CLCNKA: variants seen among roughly 807,000 people sequenced by gnomAD.
CLCNKA encodes the protein chloride channel protein ClC-Ka.
A neutral mutation model predicts 83.3 loss-of-function variants in CLCNKA; 66 were observed. That is an observed-to-expected ratio of 0.79 (90% confidence interval 0.65 to 0.97). The LOEUF (loss-of-function observed/expected upper bound fraction) is 0.97, where lower values mean the gene tolerates loss of function less well. Among genes scored for constraint, CLCNKA ranks in the 50% least tolerant of loss-of-function variants. CLCNKA has a pLI of 0.00. For missense variants in CLCNKA, 806 were observed against 888.7 expected (o/e 0.91, Z 1.18); for synonymous variants, 357 against 370.4 (o/e 0.96, Z 0.42).
intron 12 of CLCNKA, 79 bp downstream of exon 12, chr1:16,029,378 T>C (rs994456207): frequency 3.9e-4 from 630 of 1,595,184 alleles, no homozygotes; most frequent in Non-Finnish European, 5.0e-4. Context: ...TCCCTGCACC[T>C]GGTGGCATGG....
chr1:16,033,862 T>C lies in CLCNKA; in HGVS notation c.*204T>C. 1.5e-6 allele frequency: 1 copy of C among 654,232 alleles called. No individual in the cohort carries two copies. Among genetic ancestry groups the C allele is most frequent in the East Asian group, 2.9e-5 (1 of 34,912 alleles). 40.5% of individuals were successfully genotyped at this position (654,232 alleles called of 1,614,324 possible). A position where few individuals can be genotyped will look rare whatever the true frequency, so the allele number is the denominator to read the frequency against. Reference sequence around the variant, plus strand: ...TGGCTCCTGCCTTGAAAGACAAAAATCCCACCTTGGGCAGAGCTGAGTGTG... The same window carrying C: ...TGGCTCCTGCCTTGAAAGACAAAAACCCCACCTTGGGCAGAGCTGAGTGTG... On this transcript the variant is annotated 3_prime_UTR_variant, in exon 20 of 20. Transcript: ENST00000331433.
chr1:16,022,306 A>C lies in CLCNKA; in HGVS notation c.-8+243A>C, dbSNP rs143747711. 4.1e-3 allele frequency among the ~76,000 whole-genome samples: 620 copies of C among 152,228 alleles called. 2 individuals carry two copies. Among genetic ancestry groups the C allele is most frequent in the African/African-American group, 0.013 (556 of 41,540 alleles). ...GTGAGAGAGTCACAGCCCTGGGCAG[A>C]GACTGCTCCCAGTAGTGGAAGCACC... On this transcript the variant is annotated intron_variant, in intron 1 of 19. Coordinates refer to ENST00000331433, the MANE Select transcript of CLCNKA (RefSeq NM_004070.4).
At chr1:16,027,285 C>T in intron 7 of CLCNKA, 25 bp from the exon 8 acceptor site, 1 of 1,612,268 alleles carries the variant, frequency 6.2e-7, no homozygotes, top group Non-Finnish European at 8.5e-7. Flanking sequence ...GGTGGGGGCC[C>T]ACCTGACATC....
intron 10 of CLCNKA, among the ~76,000 whole-genome samples, chr1:16,028,451 A>G (rs1367856004): frequency 6.6e-6 from 1 of 151,942 alleles, no homozygotes; most frequent in Non-Finnish European, 1.5e-5. Flanking sequence ...TGCCCCGGAG[A>G]TGCACATGGC....
In CLCNKA at chr1:16,030,013, C is replaced by T; in HGVS notation, c.1346C>T (p.Pro449Leu). The change falls in exon 14 of 20, where the codon CCT becomes CTT. Residue 449 changes from proline (P) to leucine (L), a missense_variant. By Grantham distance (98) the Pro-to-Leu change is moderately conservative (BLOSUM62 -3). Transcript: ENST00000331433. ...LLGEALAVAF[P>L]EGIVTGGVTN... The stretch of plus-strand genomic sequence containing the variant: ...GGAGAGGCTCTTGCCGTCGCCTTCC[C>T]TGAGGGCATTGTGACTGGAGGGGTT... The T allele has an allele frequency of 6.2e-7, 1 of 1,611,198 alleles. No individual in the cohort carries two copies. The highest frequency in any genetic ancestry group is 8.5e-7 in the Non-Finnish European group (1 of 1,177,800).
Position 16,030,615 on chromosome 1 carries a change from T to C in CLCNKA, c.1563T>C (p.Asp521=), listed in dbSNP as rs1322333046. 10 of 1,612,968 alleles carry C rather than the reference T, an allele frequency of 6.2e-6. No homozygotes were observed. Among genetic ancestry groups the C allele is most frequent in the Non-Finnish European group, 8.5e-6 (10 of 1,180,038 alleles). The change falls in exon 15 of 20, where the codon GAT becomes GAC. Residue 521 remains aspartate (D), a synonymous_variant. Transcript: ENST00000331433. ...AGAGCTGCCAGCCCTCCTTCTATGATGGCACCATCATTGTCAAGAAGCTGC... is the reference window on the plus strand; with the variant it reads ...AGAGCTGCCAGCCCTCCTTCTATGACGGCACCATCATTGTCAAGAAGCTGC... The part of the protein sequence containing the change: ...IAQSCQPSFY[D]GTIIVKKLPY...
chr1:16,031,642 G>C, intron 15 of CLCNKA, 68 bp from the exon 16 acceptor site: 1 of 1,611,408 alleles, frequency 6.2e-7, no homozygotes, highest in Non-Finnish European at 8.5e-7. Context: ...GCTCCCCTCA[G>C]ATCCCCTTGC....
rs1236849456 is a variant in CLCNKA, at chr1:16,030,021, A to C, written c.1354A>C (p.Ile452Leu). The change falls in exon 14 of 20, where the codon ATT (isoleucine) becomes CTT (leucine). Residue 452 changes from isoleucine to leucine, a missense_variant. Coordinates refer to ENST00000331433, the MANE Select transcript of CLCNKA (RefSeq NM_004070.4). ...EALAVAFPEG[I>L]VTGGVTNPIM... is the part of the protein sequence containing the mutation. ...TCTTGCCGTCGCCTTCCCTGAGGGCATTGTGACTGGAGGGGTTACCAATCC... is the reference window on the plus strand; with the variant it reads ...TCTTGCCGTCGCCTTCCCTGAGGGCCTTGTGACTGGAGGGGTTACCAATCC... 1.2e-6 allele frequency: 2 copies of C among 1,611,014 alleles called. No homozygotes were observed. Among genetic ancestry groups the C allele is most frequent in the African/African-American group, 2.7e-5 (2 of 74,890 alleles).
In CLCNKA at chr1:16,031,775, C is replaced by A. The variant is rs776675660; in HGVS notation, c.1688C>A (p.Pro563Gln). The A allele has an allele frequency of 1.2e-6, 2 of 1,613,956 alleles. No individual in the cohort carries two copies. The highest frequency in any genetic ancestry group is 1.3e-5 in the African/African-American group (1 of 75,020). The change falls in exon 16 of 20, where the codon CCG becomes CAG. Residue 563 changes from proline to glutamine, a missense_variant. Physicochemically the swap from Pro to Gln is moderately conservative, Grantham distance 76. Transcript: ENST00000331433. Reference protein sequence around the residue: ...HSITTLAKDTPLEEVVKVVTS... With the variant: ...HSITTLAKDTQLEEVVKVVTS... ...ATCACCACACTGGCCAAGGACACGC[C>A]GCTGGAGGAGGTGGTCAAGGTTGTG...
At position 16,032,196 on chromosome 1, in the gene CLCNKA, T is replaced by A. The variant is rs753421169; in HGVS notation, c.1757-7T>A. On this transcript the variant is annotated splice_polypyrimidine_tract_variant and splice_region_variant and intron_variant, in intron 16 of 19. Transcript: ENST00000331433. ...CACCTCCCTCCCTCTCCCTCTCTACTTGCCAGAGTCCCAGATCCTGGTAGG... is the reference window on the plus strand; with the variant it reads ...CACCTCCCTCCCTCTCCCTCTCTACATGCCAGAGTCCCAGATCCTGGTAGG... The A allele has an allele frequency of 6.2e-7, 1 of 1,611,684 alleles. No individual in the cohort carries two copies. Among genetic ancestry groups the A allele is most frequent in the Middle Eastern group, 1.6e-4 (1 of 6,076 alleles).
intron 17 of CLCNKA, 66 bp from the exon 18 acceptor site, chr1:16,032,377 G>C: frequency 6.5e-7 from 1 of 1,549,458 alleles, no homozygotes; most frequent in Non-Finnish European, 8.9e-7. Context: ...TCCTGAGGGA[G>C]AGGTGGTCTG....
chr1:16,026,525 T>TC lies in CLCNKA; in HGVS notation c.499-8dup, dbSNP rs530343797. 1.5e-3 allele frequency: 2,381 copies of TC among 1,613,758 alleles called. 10 individuals carry two copies. The highest frequency in any genetic ancestry group is 8.4e-3 in the Middle Eastern group (51 of 6,062). On this transcript the variant is annotated splice_polypyrimidine_tract_variant and intron_variant, in intron 5 of 19. Coordinates refer to ENST00000331433, the MANE Select transcript of CLCNKA (RefSeq NM_004070.4). ...TGCTGCCCTCACCTGGGCCCACCCT[T>TC]CCCTCTGCAGGGCCCTTTCGTGCAC...
In CLCNKA at chr1:16,026,718, A is replaced by G. The variant is rs779648302; in HGVS notation, c.598A>G (p.Met200Val). Residue 200 changes from methionine to valine, a missense_variant, in exon 7 of 20, where the codon ATG (methionine) becomes GTG (valine). Met to Val is a conservative substitution (Grantham distance 21). Coordinates refer to ENST00000331433, the MANE Select transcript of CLCNKA (RefSeq NM_004070.4). ...EPENKSKQNE[M>V]LVAAAAVGVA... Reference sequence around the variant, plus strand: ...CCAGAACAAGAGCAAGCAAAACGAAATGCTGGTGGCAGCGGCGGCAGTGGG... The same window carrying G: ...CCAGAACAAGAGCAAGCAAAACGAAGTGCTGGTGGCAGCGGCGGCAGTGGG... 7.4e-6 allele frequency: 12 copies of G among 1,613,766 alleles called. No individual in the cohort carries two copies. In the South Asian group the frequency reaches 1.3e-4, roughly 18 times the overall value.
At position 16,029,314 on chromosome 1, in the gene CLCNKA, C is replaced by T. The variant is rs748030217; in HGVS notation, c.1227+15C>T. 5.6e-6 allele frequency: 9 copies of T among 1,613,552 alleles called. No homozygotes were observed. The highest frequency in any genetic ancestry group is 7.6e-6 in the Non-Finnish European group (9 of 1,179,986). On this transcript the variant is annotated intron_variant, in intron 12 of 19. Transcript: ENST00000331433. ...TGGTTATGAAGGTGGGCCCCCTGACCCCCAGGTGTGCACAGAGCCAGGACC... is the reference window on the plus strand; with the variant it reads ...TGGTTATGAAGGTGGGCCCCCTGACTCCCAGGTGTGCACAGAGCCAGGACC...
At chr1:16,030,220 G>A (rs2022567305) in intron 14 of CLCNKA, 145 bp downstream of exon 14, 14 of 746,976 alleles carry the variant, frequency 1.9e-5, no homozygotes, top group Non-Finnish European at 2.9e-5. Context: ...TGTCCCTCCT[G>A]AGCCCCACCA....
rs1557455138 is a variant in CLCNKA at position 16,030,447 on chromosome 1, C to T, written c.1409-14C>T. 6.2e-7 allele frequency: 1 copy of T among 1,612,182 alleles called. No individual in the cohort carries two copies. Among genetic ancestry groups the T allele is most frequent in the African/African-American group, 1.3e-5 (1 of 75,052 alleles). ...TCCTGGCCTGAGCCGACCTGTGTGG[C>T]TCTGCCCCGGCAGGGGCTGCAGCCT... is the stretch of plus-strand genomic sequence containing the variant. On this transcript the variant is annotated splice_polypyrimidine_tract_variant and intron_variant, in intron 14 of 19. Coordinates refer to ENST00000331433, the MANE Select transcript of CLCNKA (RefSeq NM_004070.4).
chr1:16,033,548 T>TGGGGGGGGGGGGGGGG, intron 19 of CLCNKA, 63 bp from the exon 20 acceptor site: 1 of 1,121,922 alleles, frequency 8.9e-7, no homozygotes, highest in Non-Finnish European at 1.4e-6. Flanking sequence ...CTAAAAATGC[T>TGGGGGGGGGGGGGGGG]GGAGCCCCCC....
In CLCNKA at chr1:16,028,139, C is replaced by T; in HGVS notation, c.968+20C>T. On this transcript the variant is annotated intron_variant, in intron 10 of 19. Coordinates refer to ENST00000331433, the MANE Select transcript of CLCNKA (RefSeq NM_004070.4). ...TACTAGGTAGGCTCTGGGCTAGGGG[C>T]TGGGGACATCTCAGTGAGTCCCTTG... 1 of 1,607,104 alleles carries T rather than the reference C, an allele frequency of 6.2e-7. No homozygotes were observed.
At chr1:16,031,457 C>A (rs543291541) in intron 15 of CLCNKA, among the ~76,000 whole-genome samples, 1 of 152,180 alleles carries the variant, frequency 6.6e-6, no homozygotes, top group South Asian at 2.1e-4. Context: ...GGACAAGACC[C>A]AAGTGAAGCT....
Sources: allele counts gnomAD v4.1 joint callset (sites outside exome capture counted in the v4.1 genomes callset), GRCh38; gene constraint gnomAD v4.1.1; transcripts MANE v1.5; gene names NCBI Gene and HGNC (gene_info 2026-07-23, HGNC 2026-07-21).